The following ADK variants were observed in gnomAD, a reference collection of about 807,000 sequenced individuals.
The protein encoded by ADK is N6,N6-dimethyladenosine kinase.
In ADK, 24 loss-of-function variants were observed where a neutral mutation model predicts 44.7. The ratio of observed to expected loss-of-function variants is 0.54; its 90% CI spans 0.39 to 0.76. The LOEUF (loss-of-function observed/expected upper bound fraction) is 0.76, where lower values mean the gene tolerates loss of function less well. Among genes scored for constraint, ADK ranks in the 30% least tolerant of loss-of-function variants. The pLI is 0.00. For missense variants in ADK, 321 were observed against 425.1 expected (o/e 0.76, Z 2.15); for synonymous variants, 128 against 142.6 (o/e 0.90, Z 0.73).
intron 6 of ADK, among the ~76,000 whole-genome samples, chr10:74,419,070 A>G (rs2133009053): frequency 6.6e-6 from 1 of 152,290 alleles, no homozygotes; most frequent in African/African-American, 2.4e-5. Context: ...TATAATTCTT[A>G]TAAGACAGTG....
chr10:74,269,389 A>G (rs1846340694), intron 3 of ADK, among the ~76,000 whole-genome samples: 1 of 152,342 alleles, frequency 6.6e-6, no homozygotes, highest in Admixed American at 6.5e-5. Context: ...GGTTAGCTAC[A>G]AGCAGCTTTA....
At chr10:74,555,150 G>A (rs1182793998) in intron 7 of ADK, among the ~76,000 whole-genome samples, 2 of 152,104 alleles carry the variant, frequency 1.3e-5, no homozygotes, top group East Asian at 3.9e-4. Context: ...AAGAAAATTA[G>A]CCCTGCATGG....
intron 3 of ADK, among the ~76,000 whole-genome samples, chr10:74,306,121 T>A (rs369646163): frequency 1.3e-5 from 2 of 152,202 alleles, no homozygotes; most frequent in South Asian, 2.1e-4. Context: ...GTCCTATAGG[T>A]CTGAGTCTTT....
At chr10:74,450,019 C>T (rs1396118942) in intron 6 of ADK, among the ~76,000 whole-genome samples, 7 of 152,124 alleles carry the variant, frequency 4.6e-5, no homozygotes, top group Admixed American at 3.3e-4. Flanking sequence ...AATATTAAGA[C>T]TCAGGGCCAG....
At chr10:74,242,946 A>C (rs1206508756) in intron 3 of ADK, among the ~76,000 whole-genome samples, 1 of 152,056 alleles carries the variant, frequency 6.6e-6, no homozygotes, top group Non-Finnish European at 1.5e-5. Flanking sequence ...CGCTCAGTAA[A>C]ATTCTCCACC....
intron 4 of ADK, among the ~76,000 whole-genome samples, chr10:74,371,077 C>T (rs1367208775): frequency 6.6e-6 from 1 of 152,064 alleles, no homozygotes; most frequent in Non-Finnish European, 1.5e-5. Context: ...TCAATGAAAT[C>T]ATTTATAAGT....
intron 6 of ADK, among the ~76,000 whole-genome samples, chr10:74,404,118 C>T (rs186097373): frequency 2.1e-4 from 31 of 150,244 alleles, no homozygotes; most frequent in African/African-American, 5.8e-4. Context: ...ATGATCCACA[C>T]GCTTTGGCCT....
intron 2 of ADK, among the ~76,000 whole-genome samples, chr10:74,220,772 A>G (rs1239655821): frequency 6.6e-6 from 1 of 152,232 alleles, no homozygotes; most frequent in African/African-American, 2.4e-5. Context: ...CAAAAACCAC[A>G]TGATTATCTC....
intron 4 of ADK, among the ~76,000 whole-genome samples, chr10:74,379,492 A>G (rs1176964296): frequency 1.3e-5 from 2 of 152,306 alleles, no homozygotes; most frequent in South Asian, 4.1e-4. Flanking sequence ...ACACTGAATA[A>G]AATTTATCCT....
intron 4 of ADK, among the ~76,000 whole-genome samples, chr10:74,345,023 C>T (rs1015212955): frequency 1.2e-4 from 18 of 152,152 alleles, no homozygotes; most frequent in Admixed American, 2.0e-4. Flanking sequence ...GCATTGCAGC[C>T]GCTTTATCTA....
At chr10:74,598,042 C>A (rs142425102) in intron 8 of ADK, among the ~76,000 whole-genome samples, 1,693 of 152,248 alleles carry the variant, frequency 0.011, 13 homozygotes, top group Non-Finnish European at 0.015. Flanking sequence ...CCCTCAAAAT[C>A]TTTTAATGTG....
chr10:74,395,194 A>T (rs1032170501), intron 5 of ADK, among the ~76,000 whole-genome samples: 2 of 152,036 alleles, frequency 1.3e-5, no homozygotes, highest in East Asian at 3.9e-4. Flanking sequence ...TCCATTCCCT[A>T]TCTCCTTTCT....
At chr10:74,660,436 A>C (rs1854666271) in intron 9 of ADK, among the ~76,000 whole-genome samples, 1 of 152,144 alleles carries the variant, frequency 6.6e-6, no homozygotes, top group Non-Finnish European at 1.5e-5. Flanking sequence ...CTAGCCTCCT[A>C]TTTTAAATAT....
intron 7 of ADK, among the ~76,000 whole-genome samples, chr10:74,559,411 A>G (rs957166330): frequency 1.1e-4 from 16 of 152,244 alleles, no homozygotes; most frequent in Non-Finnish European, 2.1e-4. Context: ...CTTATTTTGT[A>G]TAAGAGTGGT....
intron 9 of ADK, among the ~76,000 whole-genome samples, chr10:74,651,906 A>G (rs572325090): frequency 2.0e-5 from 3 of 152,342 alleles, no homozygotes; most frequent in Admixed American, 2.0e-4. Context: ...ATAAAAGAAC[A>G]TATACTGTAT....
At chr10:74,170,163 G>T (rs1842121090) in intron 1 of ADK, among the ~76,000 whole-genome samples, 1 of 152,068 alleles carries the variant, frequency 6.6e-6, no homozygotes, top group Non-Finnish European at 1.5e-5. Context: ...TAAGTAACAT[G>T]CAGGGAAAAC....
At chr10:74,574,845 C>T (rs935352622) in intron 7 of ADK, among the ~76,000 whole-genome samples, 1 of 152,116 alleles carries the variant, frequency 6.6e-6, no homozygotes, top group African/African-American at 2.4e-5. Flanking sequence ...AAATTTTTTA[C>T]CTTTGTAAGC....
At chr10:74,201,222 T>C (rs1843365034) in intron 2 of ADK, among the ~76,000 whole-genome samples, 1 of 152,278 alleles carries the variant, frequency 6.6e-6, no homozygotes, top group South Asian at 2.1e-4. Flanking sequence ...GAAGCTATAA[T>C]GGGAGAAGAA....
intron 4 of ADK, among the ~76,000 whole-genome samples, chr10:74,344,334 A>G (rs1450345076): frequency 6.6e-6 from 1 of 152,188 alleles, no homozygotes; most frequent in Non-Finnish European, 1.5e-5. Flanking sequence ...GCCTCAACAA[A>G]TGTTGCACCT....
Sources: allele counts gnomAD v4.1 joint callset (sites outside exome capture counted in the v4.1 genomes callset), GRCh38; gene constraint gnomAD v4.1.1; transcripts MANE v1.5; gene names NCBI Gene and HGNC (gene_info 2026-07-23, HGNC 2026-07-21).